Variants in CADM2 observed in about 807,000 individuals in gnomAD.
CADM2 encodes cell adhesion molecule 2, also known as immunoglobulin superfamily member 4D.
Under a neutral mutation model 49.8 loss-of-function variants are expected in CADM2, and 12 were observed. The observed-to-expected ratio is 0.24, with a 90% confidence interval of 0.15 to 0.39. The LOEUF is 0.39. Ranked by LOEUF, CADM2 falls within the 10% of genes least tolerant of loss-of-function variation. CADM2 has a pLI of 1.00. For synonymous variants in CADM2, 214 were observed against 175.4 expected, an observed-to-expected ratio of 1.22 and a Z score of -1.74; for missense variants, 378 against 492.3, an observed-to-expected ratio of 0.77 and a Z score of 2.20.
chr3:85,949,417 G>T (rs761074711), intron 7 of CADM2, among the ~76,000 whole-genome samples: 12 of 151,166 alleles, frequency 7.9e-5, no homozygotes, highest in Non-Finnish European at 1.6e-4. Flanking sequence ...GCTGGGTATT[G>T]CAGAAATTTA....
At chr3:84,976,572 A>G (rs1215165743) in intron 1 of CADM2, among the ~76,000 whole-genome samples, 1 of 151,876 alleles carries the variant, frequency 6.6e-6, no homozygotes, top group East Asian at 1.9e-4. Context: ...TCTGGTGATT[A>G]CTTGTCTTAG....
intron 3 of CADM2, among the ~76,000 whole-genome samples, chr3:85,847,221 A>G (rs547923928): frequency 3.2e-4 from 48 of 152,322 alleles, no homozygotes; most frequent in African/African-American, 1.1e-3. Context: ...AAAATCTAGA[A>G]CACACTAAGA....
At chr3:85,298,551 G>T (rs2106975328) in intron 1 of CADM2, among the ~76,000 whole-genome samples, 1 of 152,186 alleles carries the variant, frequency 6.6e-6, no homozygotes, top group African/African-American at 2.4e-5. Context: ...TTCCAAACAG[G>T]AATGGATTGA....
intron 1 of CADM2, among the ~76,000 whole-genome samples, chr3:85,188,433 A>G (rs1035262584): frequency 6.6e-6 from 1 of 152,164 alleles, no homozygotes; most frequent in African/African-American, 2.4e-5. Context: ...TCAGAATGAT[A>G]ATTACAATGT....
chr3:85,734,753 TG>T (rs1241594584), intron 2 of CADM2, among the ~76,000 whole-genome samples: 2 of 148,340 alleles, frequency 1.3e-5, no homozygotes, highest in Admixed American at 6.8e-5. Context: ...CATACATATA[TG>T]TATATATACA....
intron 1 of CADM2, among the ~76,000 whole-genome samples, chr3:85,278,148 A>G (rs918315288): frequency 6.6e-6 from 1 of 150,902 alleles, no homozygotes; most frequent in Non-Finnish European, 1.5e-5. Context: ...TCCTGAGTAC[A>G]TTTAGTAGAG....
intron 2 of CADM2, among the ~76,000 whole-genome samples, chr3:85,731,086 T>A (rs996827060): frequency 2.0e-5 from 3 of 152,150 alleles, no homozygotes; most frequent in Non-Finnish European, 4.4e-5. Flanking sequence ...TACATAATAT[T>A]ATCACATAAA....
At chr3:85,139,193 G>A (rs1424979375) in intron 1 of CADM2, among the ~76,000 whole-genome samples, 1 of 152,126 alleles carries the variant, frequency 6.6e-6, no homozygotes. Flanking sequence ...TCCTTGAGAA[G>A]GAGCAATGCA....
At chr3:86,057,476 G>T (rs1033652953) in intron 8 of CADM2, among the ~76,000 whole-genome samples, 7 of 152,070 alleles carry the variant, frequency 4.6e-5, no homozygotes, top group African/African-American at 1.7e-4. Context: ...CAGCAAATTG[G>T]CATATAAAAA....
intron 8 of CADM2, among the ~76,000 whole-genome samples, chr3:86,010,660 T>C (rs1337924152): frequency 2.0e-5 from 3 of 150,062 alleles, no homozygotes; most frequent in South Asian, 2.1e-4. Context: ...GAAACAAATA[T>C]TAAGAAAAAA....
At chr3:85,593,392 G>T (rs1367589271) in intron 1 of CADM2, among the ~76,000 whole-genome samples, 1 of 151,914 alleles carries the variant, frequency 6.6e-6, no homozygotes. Flanking sequence ...TAAAATTCTA[G>T]AGCCTCAATT....
intron 1 of CADM2, among the ~76,000 whole-genome samples, chr3:85,295,232 C>G (rs2043925812): frequency 6.6e-6 from 1 of 152,034 alleles, no homozygotes; most frequent in South Asian, 2.1e-4. Flanking sequence ...AAATCAAAAC[C>G]ACAATGAGAT....
intron 1 of CADM2, among the ~76,000 whole-genome samples, chr3:85,058,010 GTTGAA>G (rs1439523883): frequency 6.6e-6 from 1 of 152,162 alleles, no homozygotes; most frequent in African/African-American, 2.4e-5. Context: ...TTAAAATACA[GTTGAA>G]TTGATTAGTC....
chr3:85,785,792 A>T (rs1363416215), intron 2 of CADM2, among the ~76,000 whole-genome samples: 1 of 152,076 alleles, frequency 6.6e-6, no homozygotes, highest in Non-Finnish European at 1.5e-5. Context: ...GCTATTCGAA[A>T]TTCTTCCATC....
intron 1 of CADM2, among the ~76,000 whole-genome samples, chr3:85,099,929 C>T (rs1044120379): frequency 6.6e-6 from 1 of 152,142 alleles, no homozygotes; most frequent in Admixed American, 6.5e-5. Context: ...TCTATCATGA[C>T]TCATTTAAAA....
intron 2 of CADM2, among the ~76,000 whole-genome samples, chr3:85,777,408 A>G (rs891240002): frequency 6.6e-6 from 1 of 151,980 alleles, no homozygotes; most frequent in Non-Finnish European, 1.5e-5. Context: ...GGCACATGCC[A>G]CCATGCCTGG....
At chr3:85,846,670 C>A (rs1299594628) in intron 3 of CADM2, among the ~76,000 whole-genome samples, 1 of 151,890 alleles carries the variant, frequency 6.6e-6, no homozygotes, top group Admixed American at 6.6e-5. Flanking sequence ...AGTTTAAGAC[C>A]AGCCTAGGTA....
chr3:85,119,630 G>A (rs527467108), intron 1 of CADM2, among the ~76,000 whole-genome samples: 1 of 152,250 alleles, frequency 6.6e-6, no homozygotes, highest in Admixed American at 6.5e-5. Flanking sequence ...TCCTATCCAT[G>A]ATCATGGAAT....
intron 1 of CADM2, among the ~76,000 whole-genome samples, chr3:85,103,557 T>C (rs933349780): frequency 6.6e-5 from 10 of 152,138 alleles, no homozygotes; most frequent in African/African-American, 1.9e-4. Flanking sequence ...ACTTGCCAAA[T>C]GTAATAATGG....
Sources: allele counts gnomAD v4.1 joint callset (sites outside exome capture counted in the v4.1 genomes callset), GRCh38; gene constraint gnomAD v4.1.1; transcripts MANE v1.5; gene names NCBI Gene and HGNC (gene_info 2026-07-23, HGNC 2026-07-21).